The following GPC5 variants were observed in gnomAD, a reference collection of about 807,000 sequenced individuals.
The protein encoded by GPC5 is glypican 5.
In GPC5, 47 loss-of-function variants were observed where a neutral mutation model predicts 53.9. The ratio of observed to expected loss-of-function variants is 0.87; its 90% CI spans 0.69 to 1.11. The LOEUF is 1.11. Among genes scored for constraint, GPC5 ranks in the 50% most tolerant of loss-of-function variants. GPC5 has a pLI of 0.00. For synonymous variants in GPC5, 286 were observed against 263.3 expected, an observed-to-expected ratio of 1.09 and a Z score of -0.84; for missense variants, 748 against 713.1, an observed-to-expected ratio of 1.05 and a Z score of -0.56.
chr13:91,574,672 AG>A (rs1158188147), intron 2 of GPC5, among the ~76,000 whole-genome samples: 1 of 152,086 alleles, frequency 6.6e-6, no homozygotes, highest in Non-Finnish European at 1.5e-5. Context: ...CCAAGTACTG[AG>A]GTGGTCATCA....
intron 7 of GPC5, among the ~76,000 whole-genome samples, chr13:92,631,651 C>T (rs1268309099): frequency 6.6e-6 from 1 of 152,066 alleles, no homozygotes; most frequent in South Asian, 2.1e-4. Context: ...TTTGCGCCAA[C>T]CTAATAATAA....
intron 7 of GPC5, among the ~76,000 whole-genome samples, chr13:92,728,148 T>C (rs906734984): frequency 9.9e-5 from 15 of 151,510 alleles, no homozygotes; most frequent in African/African-American, 3.6e-4. Flanking sequence ...AGCTTGTCTC[T>C]CAATGCATTA....
At chr13:91,639,153 G>A (rs2034357379) in intron 2 of GPC5, among the ~76,000 whole-genome samples, 1 of 152,088 alleles carries the variant, frequency 6.6e-6, no homozygotes, top group Non-Finnish European at 1.5e-5. Flanking sequence ...CCCCAGCACA[G>A]GTGTGTGGAA....
At chr13:92,046,116 A>C (rs539008560) in intron 6 of GPC5, among the ~76,000 whole-genome samples, 1 of 114,516 alleles carries the variant, frequency 8.7e-6, no homozygotes, top group Non-Finnish European at 1.9e-5. Context: ...AGACTATATC[A>C]AACAGAAAAA....
chr13:91,865,762 T>G (rs2039076646), intron 5 of GPC5, among the ~76,000 whole-genome samples: 1 of 152,214 alleles, frequency 6.6e-6, no homozygotes, highest in Non-Finnish European at 1.5e-5. Context: ...CTTCCCATTT[T>G]TCTTTTTCTC....
intron 7 of GPC5, among the ~76,000 whole-genome samples, chr13:92,525,166 T>C (rs1027853111): frequency 1.3e-5 from 2 of 152,042 alleles, no homozygotes; most frequent in African/African-American, 4.8e-5. Context: ...TTTTCTTCAG[T>C]CATCTCACAG....
chr13:91,854,463 A>G (rs959591013), intron 5 of GPC5, among the ~76,000 whole-genome samples: 1 of 151,830 alleles, frequency 6.6e-6, no homozygotes, highest in African/African-American at 2.4e-5. Context: ...CTGCTGTGCT[A>G]TCAAATACTG....
chr13:92,157,327 T>C (rs892891900), intron 7 of GPC5, among the ~76,000 whole-genome samples: 2 of 152,286 alleles, frequency 1.3e-5, no homozygotes, highest in Admixed American at 1.3e-4. Flanking sequence ...GAGATAGTTT[T>C]ATGCACCTGG....
chr13:92,424,710 T>C (rs1346831580), intron 7 of GPC5, among the ~76,000 whole-genome samples: 1 of 152,054 alleles, frequency 6.6e-6, no homozygotes, highest in Non-Finnish European at 1.5e-5. Flanking sequence ...TTACTTTTAT[T>C]TAGAAATGGA....
At chr13:91,787,087 T>C (rs551195978) in intron 5 of GPC5, among the ~76,000 whole-genome samples, 1 of 152,284 alleles carries the variant, frequency 6.6e-6, no homozygotes, top group South Asian at 2.1e-4. Context: ...TTAGTTTTAA[T>C]GTCTCCTTTT....
At chr13:91,742,935 A>T (rs2036967631) in intron 4 of GPC5, among the ~76,000 whole-genome samples, 1 of 152,182 alleles carries the variant, frequency 6.6e-6, no homozygotes, top group Non-Finnish European at 1.5e-5. Context: ...ATGGCTAGAA[A>T]TTGGACAGTT....
At chr13:92,432,221 G>C (rs1385672767) in intron 7 of GPC5, among the ~76,000 whole-genome samples, 1 of 152,140 alleles carries the variant, frequency 6.6e-6, no homozygotes, top group African/African-American at 2.4e-5. Context: ...GACCATTCTG[G>C]CTCCCTGATA....
At position 91,398,687 on chromosome 13, in the gene GPC5, AGTGGCGGC is replaced by A; in HGVS notation, c.-359_-352del. On this transcript the variant is annotated 5_prime_UTR_variant, in exon 1 of 8. Coordinates refer to ENST00000377067, the MANE Select transcript of GPC5 (RefSeq NM_004466.6). ...CGGCGGCGGCGGCGGCAGTGGCGGC[AGTGGCGGC>A]AGTGGCGGCAGCGGCAGCAGTTGCA... 1 of 226,632 alleles carries A rather than the reference AGTGGCGGC, an allele frequency of 4.4e-6. No individual in the cohort carries two copies. The highest frequency in any genetic ancestry group is 8.4e-6 in the Non-Finnish European group (1 of 119,152). 14.0% of individuals were successfully genotyped at this position (226,632 alleles called of 1,614,324 possible).
intron 5 of GPC5, among the ~76,000 whole-genome samples, chr13:91,863,279 A>G (rs1047935774): frequency 6.6e-6 from 1 of 152,064 alleles, no homozygotes; most frequent in African/African-American, 2.4e-5. Context: ...TGACAGGTTG[A>G]TCATGGTTGT....
intron 7 of GPC5, among the ~76,000 whole-genome samples, chr13:92,443,310 A>G (rs903059851): frequency 2.0e-5 from 3 of 152,214 alleles, no homozygotes; most frequent in Non-Finnish European, 2.9e-5. Context: ...ACCAGGCACC[A>G]TGTCTAACAT....
chr13:92,395,598 T>A (rs1875231409), intron 7 of GPC5, among the ~76,000 whole-genome samples: 1 of 152,206 alleles, frequency 6.6e-6, no homozygotes, highest in African/African-American at 2.4e-5. Flanking sequence ...CTATATAATT[T>A]TTTTCCCTTT....
chr13:92,334,923 A>G (rs1038162531), intron 7 of GPC5, among the ~76,000 whole-genome samples: 1 of 151,988 alleles, frequency 6.6e-6, no homozygotes, highest in Admixed American at 6.6e-5. Flanking sequence ...TTCTGTTCTG[A>G]CTGGTTTCAC....
chr13:92,462,021 C>A (rs1878503374), intron 7 of GPC5, among the ~76,000 whole-genome samples: 1 of 152,120 alleles, frequency 6.6e-6, no homozygotes, highest in Non-Finnish European at 1.5e-5. Flanking sequence ...GCGGCTGAAC[C>A]CGAAAGAACC....
At chr13:92,810,591 C>T (rs1877258201) in intron 7 of GPC5, among the ~76,000 whole-genome samples, 1 of 151,826 alleles carries the variant, frequency 6.6e-6, no homozygotes, top group Non-Finnish European at 1.5e-5. Context: ...AGCAATAACT[C>T]CCCATTCACC....
Sources: allele counts gnomAD v4.1 joint callset (sites outside exome capture counted in the v4.1 genomes callset), GRCh38; gene constraint gnomAD v4.1.1; transcripts MANE v1.5; gene names NCBI Gene and HGNC (gene_info 2026-07-23, HGNC 2026-07-21).